Variants in CPEB1 observed in about 807,000 individuals in gnomAD.
CPEB1 encodes the protein cytoplasmic polyadenylation element-binding protein 1.
In CPEB1, 7 loss-of-function variants were observed where a neutral mutation model predicts 65.8. The observed-to-expected ratio is 0.11, with a 90% confidence interval of 0.06 to 0.20. CPEB1 has a LOEUF of 0.20. Ranked by LOEUF, CPEB1 falls within the 10% of genes least tolerant of loss-of-function variation. CPEB1 has a pLI of 1.00. For missense variants in CPEB1, 551 were observed against 712.2 expected (o/e 0.77, Z 2.58); for synonymous variants, 262 against 260.0 (o/e 1.01, Z -0.08).
chr15:82,597,412 T>C (rs937314653), intron 3 of CPEB1, among the ~76,000 whole-genome samples: 1 of 152,220 alleles, frequency 6.6e-6, no homozygotes, highest in Non-Finnish European at 1.5e-5. Context: ...TTAAGTTACC[T>C]TTTAAGCATT....
intron 1 of CPEB1, among the ~76,000 whole-genome samples, chr15:82,640,151 TTTG>T (rs751693972): frequency 2.0e-5 from 3 of 151,986 alleles, no homozygotes; most frequent in South Asian, 2.1e-4. Context: ...ATAACAGGCG[TTTG>T]TTGTTTTGTC....
intron 3 of CPEB1, among the ~76,000 whole-genome samples, chr15:82,610,242 A>G (rs2044001644): frequency 1.3e-5 from 2 of 152,168 alleles, no homozygotes. Flanking sequence ...AGAATAGTCC[A>G]AGACAAGAAA....
intron 3 of CPEB1, among the ~76,000 whole-genome samples, chr15:82,616,099 G>A (rs186600519): frequency 5.3e-5 from 8 of 152,030 alleles, no homozygotes; most frequent in African/African-American, 7.2e-5. Context: ...GCAAATGCCA[G>A]GAAGATAATG....
chr15:82,564,185 G>GAGT (rs2038718328), intron 4 of CPEB1, among the ~76,000 whole-genome samples: 2 of 152,208 alleles, frequency 1.3e-5, no homozygotes, highest in Admixed American at 6.5e-5. Flanking sequence ...GAATTCTACT[G>GAGT]AAAGACAGAG....
chr15:82,648,156 C>G, upstream of CPEB1: 1 of 342,032 alleles, frequency 2.9e-6, no homozygotes, highest in Non-Finnish European at 5.3e-6. Flanking sequence ...GCGGGGACTG[C>G]CGCCGCTGCT....
intron 3 of CPEB1, among the ~76,000 whole-genome samples, chr15:82,598,202 G>A (rs1475202294): frequency 1.3e-5 from 2 of 152,228 alleles, no homozygotes; most frequent in Non-Finnish European, 2.9e-5. Context: ...TAGGCTAGGT[G>A]CGGTGGCTCA....
intron 4 of CPEB1, among the ~76,000 whole-genome samples, chr15:82,561,374 T>TA (rs983657635): frequency 4.0e-5 from 6 of 151,724 alleles, no homozygotes; most frequent in African/African-American, 9.7e-5. Context: ...CATTCACCAG[T>TA]AAAAAAAAGA....
chr15:82,591,193 CT>C (rs367841539), intron 3 of CPEB1, among the ~76,000 whole-genome samples: 1 of 152,098 alleles, frequency 6.6e-6, no homozygotes, highest in Non-Finnish European at 1.5e-5. Flanking sequence ...TATTATTTAA[CT>C]TTTTAATTGT....
At chr15:82,599,531 AAAC>A (rs2042931631) in intron 3 of CPEB1, among the ~76,000 whole-genome samples, 1 of 152,152 alleles carries the variant, frequency 6.6e-6, no homozygotes, top group Admixed American at 6.5e-5. Context: ...AAACAAAAAC[AAAC>A]AACAACAAGC....
At chr15:82,633,722 A>G (rs999095437) in intron 1 of CPEB1, among the ~76,000 whole-genome samples, 9 of 152,218 alleles carry the variant, frequency 5.9e-5, no homozygotes, top group African/African-American at 1.4e-4. Flanking sequence ...TCTCCAATAG[A>G]TAAGAGCTGA....
At chr15:82,582,764 C>G (rs146851253) in intron 3 of CPEB1, among the ~76,000 whole-genome samples, 11,946 of 116,660 alleles carry the variant, frequency 0.1, 777 homozygotes, top group East Asian at 0.36. Flanking sequence ...TTTTTTGAGA[C>G]ACAGTCTCAC....
intron 9 of CPEB1, among the ~76,000 whole-genome samples, chr15:82,551,772 C>G (rs2036304737): frequency 6.6e-6 from 1 of 152,320 alleles, no homozygotes; most frequent in South Asian, 2.1e-4. Flanking sequence ...TTCTCAAACA[C>G]TACCCACTAG....
intron 3 of CPEB1, among the ~76,000 whole-genome samples, chr15:82,604,616 C>T (rs2151208131): frequency 6.6e-6 from 1 of 151,928 alleles, no homozygotes; most frequent in South Asian, 2.1e-4. Context: ...ATTAGAAATT[C>T]TAGAGCTGAA....
At chr15:82,602,004 A>C (rs1417638861) in intron 3 of CPEB1, among the ~76,000 whole-genome samples, 1 of 152,240 alleles carries the variant, frequency 6.6e-6, no homozygotes, top group Non-Finnish European at 1.5e-5. Context: ...AAATTAGTAA[A>C]TTTGACCTAA....
At chr15:82,601,063 C>T (rs548599611) in intron 3 of CPEB1, among the ~76,000 whole-genome samples, 1 of 151,094 alleles carries the variant, frequency 6.6e-6, no homozygotes, top group Non-Finnish European at 1.5e-5. Context: ...TGCCACCACA[C>T]CGAGCTAATT....
In CPEB1 at chr15:82,557,988, TAGG is replaced by T. The variant is rs759903507; in HGVS notation, c.461-5_461-3del. The T allele has an allele frequency of 7.7e-6, 12 of 1,563,400 alleles. No homozygotes were observed. The highest frequency in any genetic ancestry group is 1.2e-5 in the South Asian group (1 of 84,846). The stretch of plus-strand genomic sequence containing the variant: ...GTGGGTTATGGAGCATGCTCAGTAC[TAGG>T]AGGACAAAAAAGGAAACCTCATGAC... On this transcript the variant is annotated splice_region_variant and splice_polypyrimidine_tract_variant and intron_variant, in intron 4 of 12. Transcript: ENST00000684509.
At chr15:82,593,878 G>T (rs891326640) in intron 3 of CPEB1, among the ~76,000 whole-genome samples, 2 of 152,194 alleles carry the variant, frequency 1.3e-5, no homozygotes, top group Non-Finnish European at 2.9e-5. Context: ...GTAATATTAT[G>T]AAAGGAATCC....
At chr15:82,630,752 G>A (rs2046174770) in intron 1 of CPEB1, among the ~76,000 whole-genome samples, 1 of 152,194 alleles carries the variant, frequency 6.6e-6, no homozygotes. Flanking sequence ...TAAAGAGGAA[G>A]TTCTAAAGAA....
At chr15:82,612,792 C>T (rs532699763) in intron 3 of CPEB1, among the ~76,000 whole-genome samples, 1 of 152,048 alleles carries the variant, frequency 6.6e-6, no homozygotes, top group East Asian at 1.9e-4. Flanking sequence ...CAAGACTGCA[C>T]CACTGCACTC....
Sources: gnomAD v4.1 joint callset for allele counts (sites outside exome capture counted in the v4.1 genomes callset) on GRCh38, gnomAD v4.1.1 for gene constraint, MANE v1.5 for transcripts, NCBI Gene and HGNC (gene_info 2026-07-23, HGNC 2026-07-21) for gene names.